Variants in ROBO1 observed in about 807,000 individuals in gnomAD.
ROBO1 encodes roundabout guidance receptor 1.
In ROBO1, 149 loss-of-function variants were observed where a neutral mutation model predicts 195.9. That is an observed-to-expected ratio of 0.76 (90% CI 0.67 to 0.87). The LOEUF (loss-of-function observed/expected upper bound fraction) is 0.87, where lower values mean the gene tolerates loss of function less well. Among genes scored for constraint, ROBO1 ranks in the 40% least tolerant of loss-of-function variants. The pLI, the probability that ROBO1 is intolerant of heterozygous loss-of-function variation, is 0.00. For synonymous variants in ROBO1, 816 were observed against 733.2 expected, an observed-to-expected ratio of 1.11 and a Z score of -1.82; for missense variants, 1,933 against 2,068.3, an observed-to-expected ratio of 0.93 and a Z score of 1.27.
intron 10 of ROBO1, among the ~76,000 whole-genome samples, chr3:78,675,410 T>G (rs1253845776): frequency 6.6e-6 from 1 of 152,092 alleles, no homozygotes; most frequent in Non-Finnish European, 1.5e-5. Context: ...TTCCCTTTCC[T>G]AGTCAAAGAA....
chr3:78,866,905 G>A (rs574705492), intron 4 of ROBO1, among the ~76,000 whole-genome samples: 2 of 152,162 alleles, frequency 1.3e-5, no homozygotes, highest in Non-Finnish European at 2.9e-5. Flanking sequence ...GATACTACAC[G>A]TAGCATCAAT....
intron 2 of ROBO1, among the ~76,000 whole-genome samples, chr3:79,263,913 T>C (rs1326513549): frequency 6.6e-6 from 1 of 152,092 alleles, no homozygotes; most frequent in Non-Finnish European, 1.5e-5. Context: ...GTTATTCTAC[T>C]TCTTTGACTC....
intron 4 of ROBO1, 143 bp from the exon 5 acceptor site, chr3:78,747,043 C>G (rs766939589): frequency 3.5e-5 from 16 of 459,924 alleles, no homozygotes; most frequent in Non-Finnish European, 5.1e-5. Context: ...TCTATATCTA[C>G]TTATAGACAT....
At chr3:78,942,323 G>A (rs561581202) in intron 3 of ROBO1, among the ~76,000 whole-genome samples, 1 of 152,140 alleles carries the variant, frequency 6.6e-6, no homozygotes, top group African/African-American at 2.4e-5. Context: ...GAAGAAACCT[G>A]AGAGCCAGAA....
At chr3:79,112,476 C>T (rs2079904604) in intron 3 of ROBO1, among the ~76,000 whole-genome samples, 1 of 152,078 alleles carries the variant, frequency 6.6e-6, no homozygotes, top group African/African-American at 2.4e-5. Flanking sequence ...CGATCAGAGA[C>T]AAAGCAAACA....
intron 2 of ROBO1, among the ~76,000 whole-genome samples, chr3:79,415,631 G>A (rs2037970610): frequency 1.3e-5 from 2 of 152,108 alleles, no homozygotes. Context: ...ACTTCATTCT[G>A]TGGTTTTAAG....
At chr3:79,285,504 C>T (rs956393726) in intron 2 of ROBO1, among the ~76,000 whole-genome samples, 2 of 152,138 alleles carry the variant, frequency 1.3e-5, no homozygotes, top group South Asian at 2.1e-4. Flanking sequence ...GAATGTTAGC[C>T]GGCCCGTCAT....
intron 1 of ROBO1, among the ~76,000 whole-genome samples, chr3:79,685,157 C>G (rs926939050): frequency 1.4e-4 from 21 of 152,112 alleles, no homozygotes; most frequent in Non-Finnish European, 2.5e-4. Flanking sequence ...CTACTCAATT[C>G]ACTTAATGAT....
chr3:79,381,186 G>T (rs533654164), intron 2 of ROBO1, among the ~76,000 whole-genome samples: 3 of 151,584 alleles, frequency 2.0e-5, no homozygotes, highest in Non-Finnish European at 4.4e-5. Context: ...GCGAAACCCC[G>T]TCTCTACTAA....
At chr3:79,414,227 T>TCTCTTTCTCTCTCTCTCCCTC (rs750496277) in intron 2 of ROBO1, among the ~76,000 whole-genome samples, 1 of 139,276 alleles carries the variant, frequency 7.2e-6, no homozygotes, top group African/African-American at 3.0e-5. Context: ...CCCTCCTCTT[T>TCTCTTTCTCTCTCTCTCCCTC]CTCTTTCTCT....
intron 2 of ROBO1, among the ~76,000 whole-genome samples, chr3:79,544,414 T>G (rs1442967185): frequency 6.6e-6 from 1 of 152,048 alleles, no homozygotes; most frequent in African/African-American, 2.4e-5. Context: ...TACTGAAATT[T>G]AGATAACTTT....
intron 3 of ROBO1, among the ~76,000 whole-genome samples, chr3:78,997,334 T>C (rs1278188432): frequency 1.3e-5 from 2 of 152,146 alleles, no homozygotes; most frequent in East Asian, 3.9e-4. Flanking sequence ...CACTAGCATA[T>C]AGGTTCCATG....
chr3:78,947,568 G>C (rs182064406), intron 3 of ROBO1, among the ~76,000 whole-genome samples: 5 of 152,286 alleles, frequency 3.3e-5, no homozygotes, highest in East Asian at 1.9e-4. Flanking sequence ...ACAAGGAAAA[G>C]TAGGAAAGAT....
intron 2 of ROBO1, among the ~76,000 whole-genome samples, chr3:79,564,970 G>T (rs1196029850): frequency 6.6e-6 from 1 of 151,952 alleles, no homozygotes; most frequent in Non-Finnish European, 1.5e-5. Flanking sequence ...ATGGCAAAAA[G>T]AAGCAATCAA....
intron 2 of ROBO1, among the ~76,000 whole-genome samples, chr3:79,418,399 T>C (rs1193459291): frequency 2.6e-5 from 4 of 152,120 alleles, no homozygotes; most frequent in Non-Finnish European, 4.4e-5. Context: ...TATAAAGATA[T>C]ATGTGGCCTG....
intron 8 of ROBO1, among the ~76,000 whole-genome samples, chr3:78,703,989 C>T (rs997734328): frequency 1.3e-5 from 2 of 151,976 alleles, no homozygotes; most frequent in Admixed American, 1.3e-4. Flanking sequence ...ACACACATAT[C>T]AAGGTTCTTA....
intron 2 of ROBO1, among the ~76,000 whole-genome samples, chr3:79,581,683 T>C (rs1353921725): frequency 6.6e-6 from 1 of 152,114 alleles, no homozygotes; most frequent in African/African-American, 2.4e-5. Flanking sequence ...CCACTTCTAC[T>C]GACAGAATTT....
chr3:79,036,022 T>C (rs1428999989), intron 3 of ROBO1, among the ~76,000 whole-genome samples: 4 of 152,140 alleles, frequency 2.6e-5, no homozygotes, highest in Admixed American at 6.5e-5. Flanking sequence ...TGAGGCAACA[T>C]GTTCATCTCT....
intron 2 of ROBO1, among the ~76,000 whole-genome samples, chr3:79,578,976 T>C (rs1271073561): frequency 1.3e-5 from 2 of 152,202 alleles, no homozygotes; most frequent in Non-Finnish European, 2.9e-5. Flanking sequence ...TTTGAGGAGC[T>C]TGCGGATTAT....
Sources: gnomAD v4.1 joint callset for allele counts (sites outside exome capture counted in the v4.1 genomes callset) on GRCh38, gnomAD v4.1.1 for gene constraint, MANE v1.5 for transcripts, NCBI Gene and HGNC (gene_info 2026-07-23, HGNC 2026-07-21) for gene names.